Variants in MAN1A1 observed in about 807,000 individuals in gnomAD.
The protein encoded by MAN1A1 is mannosyl-oligosaccharide 1,2-alpha-mannosidase IA.
In MAN1A1, 29 loss-of-function variants were observed where a neutral mutation model predicts 70.8. The observed-to-expected ratio is 0.41, with a 90% CI of 0.31 to 0.56. The LOEUF is 0.56. MAN1A1 is among the 20% of genes least tolerant of loss of function. The pLI is 0.29. For synonymous variants in MAN1A1, 349 were observed against 330.1 expected (o/e 1.06, Z -0.62); for missense variants, 747 against 841.3 (o/e 0.89, Z 1.39).
At chr6:119,280,438 G>A (rs533249630) in intron 5 of MAN1A1, among the ~76,000 whole-genome samples, 188 of 152,326 alleles carry the variant, frequency 1.2e-3, no homozygotes, top group African/African-American at 4.3e-3. Flanking sequence ...ATTTGTCAAT[G>A]GGGACTGTGT....
chr6:119,291,472 C>T (rs1455149895), intron 4 of MAN1A1, among the ~76,000 whole-genome samples: 2 of 152,034 alleles, frequency 1.3e-5, no homozygotes, highest in Non-Finnish European at 2.9e-5. Context: ...CTCTCTTCAA[C>T]AGCAGATACA....
chr6:119,191,356 G>A (rs1309087820), intron 9 of MAN1A1, among the ~76,000 whole-genome samples: 1 of 152,030 alleles, frequency 6.6e-6, no homozygotes, highest in African/African-American at 2.4e-5. Context: ...ACCCTGTTAT[G>A]GATCCTAAAT....
At position 119,201,360 on chromosome 6, in the gene MAN1A1, A is replaced by C; in HGVS notation, c.1117-13T>G. ...GAATATTCATTACCTATAATAGAAAATAAAATGTTACCGTGAAAATCTAAA... is the reference window on the plus strand; with the variant it reads ...GAATATTCATTACCTATAATAGAAACTAAAATGTTACCGTGAAAATCTAAA... On this transcript the variant is annotated splice_polypyrimidine_tract_variant and intron_variant, in intron 7 of 12. Transcript: ENST00000368468. 1 of 1,560,016 alleles carries C rather than the reference A, an allele frequency of 6.4e-7. No individual in the cohort carries two copies. The highest frequency in any genetic ancestry group is 8.8e-7 in the Non-Finnish European group (1 of 1,133,688).
chr6:119,244,463 A>G (rs1775110081), intron 6 of MAN1A1, among the ~76,000 whole-genome samples: 1 of 152,134 alleles, frequency 6.6e-6, no homozygotes, highest in South Asian at 2.1e-4. Flanking sequence ...ACTTTCCATT[A>G]AATCACAATT....
intron 11 of MAN1A1, among the ~76,000 whole-genome samples, chr6:119,181,180 G>A (rs1773144625): frequency 6.6e-6 from 1 of 152,164 alleles, no homozygotes; most frequent in African/African-American, 2.4e-5. Flanking sequence ...AAAGAGACTA[G>A]CTGGCTGTCC....
chr6:119,221,589 T>C (rs1273762688), intron 6 of MAN1A1, among the ~76,000 whole-genome samples: 2 of 151,498 alleles, frequency 1.3e-5, no homozygotes, highest in African/African-American at 2.4e-5. Context: ...TCTCATGCCG[T>C]AGCCTCCCCA....
At chr6:119,190,493 A>G (rs1773414532) in intron 9 of MAN1A1, among the ~76,000 whole-genome samples, 1 of 152,220 alleles carries the variant, frequency 6.6e-6, no homozygotes, top group Non-Finnish European at 1.5e-5. Context: ...AAATGGGAAC[A>G]ACAGGATCTC....
At chr6:119,251,855 T>C (rs546973802) in intron 5 of MAN1A1, among the ~76,000 whole-genome samples, 1 of 152,336 alleles carries the variant, frequency 6.6e-6, no homozygotes, top group Admixed American at 6.5e-5. Flanking sequence ...CAGCGGCCCC[T>C]TCCCATATCG....
At chr6:119,329,934 C>A (rs1773263124) in intron 2 of MAN1A1, among the ~76,000 whole-genome samples, 1 of 152,140 alleles carries the variant, frequency 6.6e-6, no homozygotes, top group African/African-American at 2.4e-5. Context: ...TGACTCTCAG[C>A]AGCATTTGAC....
At chr6:119,233,286 C>A (rs1774739482) in intron 6 of MAN1A1, among the ~76,000 whole-genome samples, 1 of 152,184 alleles carries the variant, frequency 6.6e-6, no homozygotes, top group African/African-American at 2.4e-5. Context: ...TAATCAATAA[C>A]CTCTCTGGGC....
At chr6:119,234,081 C>T (rs1295838930) in intron 6 of MAN1A1, among the ~76,000 whole-genome samples, 1 of 152,088 alleles carries the variant, frequency 6.6e-6, no homozygotes, top group Non-Finnish European at 1.5e-5. Flanking sequence ...TGGTTGTCAG[C>T]AAGTATGCTT....
intron 6 of MAN1A1, among the ~76,000 whole-genome samples, chr6:119,229,562 A>G (rs903079564): frequency 9.2e-5 from 14 of 152,232 alleles, no homozygotes; most frequent in African/African-American, 3.1e-4. Flanking sequence ...TATTTCACAA[A>G]TGCAGTTGAG....
intron 6 of MAN1A1, among the ~76,000 whole-genome samples, chr6:119,229,124 A>G (rs1369019133): frequency 6.6e-6 from 1 of 151,994 alleles, no homozygotes; most frequent in Non-Finnish European, 1.5e-5. Flanking sequence ...CAAGAACTTT[A>G]TTACTAGGGT....
chr6:119,190,924 T>C (rs900063677), intron 9 of MAN1A1, among the ~76,000 whole-genome samples: 4 of 152,166 alleles, frequency 2.6e-5, no homozygotes, highest in African/African-American at 7.2e-5. Context: ...AAAAAGGACA[T>C]GACTGTGTCT....
chr6:119,269,704 T>C (rs11153803), intron 5 of MAN1A1: 50,367 of 152,432 alleles, frequency 0.33, 8,785 homozygotes, highest in Non-Finnish European at 0.36. Context: ...CACCAGGACC[T>C]GCCCCTCCAT....
At chr6:119,290,965 G>C (rs1034682194) in intron 4 of MAN1A1, among the ~76,000 whole-genome samples, 2 of 151,608 alleles carry the variant, frequency 1.3e-5, no homozygotes, top group African/African-American at 4.8e-5. Flanking sequence ...ATCACTAACG[G>C]ACCCCCAAAA....
At chr6:119,199,549 T>C (rs1773659727) in intron 8 of MAN1A1, among the ~76,000 whole-genome samples, 1 of 152,186 alleles carries the variant, frequency 6.6e-6, no homozygotes, top group Non-Finnish European at 1.5e-5. Flanking sequence ...CTAATTTTTT[T>C]TTTTTACTGT....
chr6:119,289,675 A>T (rs567251200), intron 5 of MAN1A1, among the ~76,000 whole-genome samples: 6 of 151,994 alleles, frequency 3.9e-5, no homozygotes, highest in Non-Finnish European at 8.8e-5. Context: ...CTTTGAAAAG[A>T]TCTAAGGTAG....
upstream of MAN1A1, chr6:119,350,439 G>C (rs1314430458): frequency 1.6e-6 from 1 of 629,108 alleles, no homozygotes; most frequent in Admixed American, 6.3e-5. Flanking sequence ...GACTTTTTTC[G>C]TATGCGCCCT....
Sources: gnomAD v4.1 joint callset for allele counts (sites outside exome capture counted in the v4.1 genomes callset) on GRCh38, gnomAD v4.1.1 for gene constraint, MANE v1.5 for transcripts, NCBI Gene and HGNC (gene_info 2026-07-23, HGNC 2026-07-21) for gene names.